The following MYPN variants were observed in gnomAD, a reference collection of about 807,000 sequenced individuals.
MYPN encodes the protein sarcomeric protein myopalladin, 145 kDa (MYOP).
A neutral mutation model predicts 129.4 loss-of-function variants in MYPN; 63 were observed. The ratio of observed to expected loss-of-function variants is 0.49; its 90% confidence interval spans 0.40 to 0.60. The LOEUF is 0.60. Ranked by LOEUF, MYPN falls within the 20% of genes least tolerant of loss-of-function variation. MYPN has a pLI of 0.00. For missense variants in MYPN, 1,596 were observed against 1,635.4 expected (o/e 0.98, Z 0.42); for synonymous variants, 629 against 600.9 (o/e 1.05, Z -0.68).
intron 1 of MYPN, among the ~76,000 whole-genome samples, chr10:68,093,096 A>G (rs1047083289): frequency 7.9e-5 from 12 of 152,096 alleles, no homozygotes; most frequent in African/African-American, 2.9e-4. Context: ...CTGGTCTCCC[A>G]TGAACCCTTG....
intron 13 of MYPN, among the ~76,000 whole-genome samples, chr10:68,190,347 T>A (rs922424500): frequency 1.3e-5 from 2 of 152,008 alleles, no homozygotes; most frequent in African/African-American, 4.8e-5. Context: ...CCACCACACC[T>A]GGCTAATTTT....
Position 68,206,844 on chromosome 10 carries a change from C to A in MYPN, c.3734C>A (p.Thr1245Lys), listed in dbSNP as rs139138260. The A allele has an allele frequency of 6.2e-7, 1 of 1,614,108 alleles. No individual in the cohort carries two copies. Among genetic ancestry groups the A allele is most frequent in the Non-Finnish European group, 8.5e-7 (1 of 1,180,052 alleles). ...AAGAAATCAGACGCTGGATGGTACA[C>A]GTTGTCAGCCAAGAATGAAGCCGGC... ...PAKKSDAGWY[T>K]LSAKNEAGIV... The change falls in exon 19 of 20, where the codon ACG (threonine) becomes AAG (lysine). Residue 1245 changes from threonine (T) to lysine (K), a missense_variant. Transcript: ENST00000358913.
rs2255136 is a variant in MYPN, at chr10:68,161,976, T to A, written c.1483+224T>A. On this transcript the variant is annotated intron_variant, in intron 8 of 19. Coordinates refer to ENST00000358913, the MANE Select transcript of MYPN (RefSeq NM_032578.4). ...TCAGAAGTTCAAGACCAGCCTGGCCTACATGACAAAATGAAACCCCATCTC... is the reference window on the plus strand; with the variant it reads ...TCAGAAGTTCAAGACCAGCCTGGCCAACATGACAAAATGAAACCCCATCTC... The A allele has an allele frequency of 0.65, 238,062 of 367,482 alleles. 78,964 individuals are homozygous for A. Among genetic ancestry groups the A allele is most frequent in the Non-Finnish European group, 0.69 (141,097 of 203,604 alleles). The allele number at this position is 367,482 out of a possible 1,614,324, so 22.8% of individuals were successfully genotyped here.
intron 6 of MYPN, among the ~76,000 whole-genome samples, chr10:68,155,242 G>T (rs1376735477): frequency 2.6e-5 from 4 of 152,096 alleles, no homozygotes; most frequent in African/African-American, 7.2e-5. Flanking sequence ...CAGCTAAGAA[G>T]AAATTATTAT....
intron 2 of MYPN, among the ~76,000 whole-genome samples, chr10:68,127,495 C>T (rs1203457343): frequency 6.6e-6 from 1 of 151,144 alleles, no homozygotes; most frequent in African/African-American, 2.4e-5. Context: ...CCACCATGCC[C>T]AGCTAATTTT....
intron 7 of MYPN, among the ~76,000 whole-genome samples, chr10:68,161,056 AAAC>A (rs2042967552): frequency 6.6e-6 from 1 of 152,228 alleles, no homozygotes; most frequent in Non-Finnish European, 1.5e-5. Context: ...CAATCTTCAC[AAAC>A]CTTTTTCAGG....
At chr10:68,133,452 T>A (rs2042440816) in intron 2 of MYPN, among the ~76,000 whole-genome samples, 1 of 152,070 alleles carries the variant, frequency 6.6e-6, no homozygotes, top group South Asian at 2.1e-4. Flanking sequence ...ATGCAAATTG[T>A]AAATATGCAA....
chr10:68,190,824 G>A (rs1053801773), intron 13 of MYPN, among the ~76,000 whole-genome samples: 19 of 152,220 alleles, frequency 1.2e-4, no homozygotes, highest in Non-Finnish European at 1.6e-4. Flanking sequence ...TTCAGGCCTG[G>A]CACTTAAGTC....
At chr10:68,145,135 C>T (rs2042641295) in intron 3 of MYPN, among the ~76,000 whole-genome samples, 1 of 151,978 alleles carries the variant, frequency 6.6e-6, no homozygotes, top group African/African-American at 2.4e-5. Context: ...AGCTATTCTC[C>T]TGCCTCAGCC....
upstream of MYPN, among the ~76,000 whole-genome samples, chr10:68,107,415 A>C (rs1375676219): frequency 6.9e-6 from 1 of 143,918 alleles, no homozygotes. Context: ...ATCTCGGCTC[A>C]CTGCAACCTC....
At chr10:68,195,333 C>A in intron 14 of MYPN, 117 bp from the exon 15 acceptor site, 1 of 812,960 alleles carries the variant, frequency 1.2e-6, no homozygotes. Context: ...TTCTCTCCCC[C>A]AAAGAAAAAC....
chr10:68,093,756 CA>C (rs1321053051), intron 1 of MYPN, among the ~76,000 whole-genome samples: 3,431 of 120,078 alleles, frequency 0.029, 128 homozygotes, highest in African/African-American at 0.092. Context: ...GACTCCGTCT[CA>C]AAAAAAAAAA....
chr10:68,093,714 A>C (rs1054073149), intron 1 of MYPN, among the ~76,000 whole-genome samples: 2 of 151,500 alleles, frequency 1.3e-5, no homozygotes, highest in South Asian at 4.2e-4. Context: ...CCGAGATCGC[A>C]CCACTGCACT....
In MYPN at chr10:68,201,887, C is replaced by G. The variant is rs749396604; in HGVS notation, c.3552C>G (p.Pro1184=). ...AGAAACTACAGAACTGCGGTGTTCC[C>G]GAAGGCCACCCCGTGAGACTGGAGT... ...ILEKLQNCGV[P]EGHPVRLECR... is the part of the protein sequence containing the mutation. The change falls in exon 18 of 20, where the codon CCC becomes CCG. Residue 1184 remains proline, a synonymous_variant. Transcript: ENST00000358913. 5.0e-6 allele frequency: 8 copies of G among 1,614,008 alleles called. No individual in the cohort carries two copies. Among genetic ancestry groups the G allele is most frequent in the Middle Eastern group, 1.6e-4 (1 of 6,084 alleles).
intron 19 of MYPN, among the ~76,000 whole-genome samples, chr10:68,207,251 C>T (rs2043832267): frequency 6.6e-6 from 1 of 152,126 alleles, no homozygotes; most frequent in African/African-American, 2.4e-5. Flanking sequence ...GAACAAGACT[C>T]TGCCTCAAAA....
At chr10:68,166,821 G>A (rs2043062941) in intron 10 of MYPN, among the ~76,000 whole-genome samples, 155 bp downstream of exon 10, 1 of 152,108 alleles carries the variant, frequency 6.6e-6, no homozygotes, top group African/African-American at 2.4e-5. Context: ...TTGAGCCCAG[G>A]AATTCGAGAC....
At position 68,096,518 on chromosome 10, in the gene MYPN, T is replaced by C. The variant is rs530818505; in HGVS notation, c.-2+8526T>C. 1.8e-3 allele frequency among the ~76,000 whole-genome samples: 280 copies of C among 152,322 alleles called. 2 individuals carry two copies. In the Middle Eastern group the frequency reaches 0.02, roughly 11 times the overall value. The stretch of plus-strand genomic sequence containing the variant: ...CGGAGGTTGCAGTGAGCTGAGATTG[T>C]GCCACTGCCCTCCAGCCTGAGTGAC... On this transcript the variant is annotated intron_variant, in intron 1 of 6. Coordinates refer to the MYPN transcript ENST00000685154.
chr10:68,206,974 T>C, intron 19 of MYPN, 71 bp downstream of exon 19: 5 of 1,578,672 alleles, frequency 3.2e-6, no homozygotes, highest in Non-Finnish European at 4.3e-6. Context: ...TAAAGATAAA[T>C]GGGTCAGGCA....
chr10:68,146,430 T>C (rs2042668263), intron 4 of MYPN, among the ~76,000 whole-genome samples: 1 of 152,226 alleles, frequency 6.6e-6, no homozygotes, highest in African/African-American at 2.4e-5. Flanking sequence ...GCTCCCATAA[T>C]GTGTTACAAA....
Sources: allele counts gnomAD v4.1 joint callset (sites outside exome capture counted in the v4.1 genomes callset), GRCh38; gene constraint gnomAD v4.1.1; transcripts MANE v1.5; gene names NCBI Gene and HGNC (gene_info 2026-07-23, HGNC 2026-07-21).